The following HHAT variants were observed in gnomAD, a reference collection of about 807,000 sequenced individuals.
HHAT encodes the protein protein-cysteine N-palmitoyltransferase HHAT.
A neutral mutation model predicts 70.8 loss-of-function variants in HHAT; 47 were observed. The ratio of observed to expected loss-of-function variants is 0.66; its 90% CI spans 0.53 to 0.85. HHAT has a LOEUF of 0.85. HHAT is among the 40% of genes least tolerant of loss of function. The pLI is 0.00. For missense variants in HHAT, 609 were observed against 604.8 expected (o/e 1.01, Z -0.07); for synonymous variants, 228 against 247.6 (o/e 0.92, Z 0.74).
At chr1:210,563,808 TTTCTC>T (rs1392774768) in intron 9 of HHAT, among the ~76,000 whole-genome samples, 2 of 152,226 alleles carry the variant, frequency 1.3e-5, no homozygotes, top group African/African-American at 4.8e-5. Flanking sequence ...CTTCAGCTCT[TTTCTC>T]TTCCTCCTTG....
chr1:210,538,465 T>C (rs556531644), intron 9 of HHAT, among the ~76,000 whole-genome samples: 8 of 152,172 alleles, frequency 5.3e-5, no homozygotes, highest in Non-Finnish European at 1.0e-4. Context: ...AAGCCTTAAA[T>C]AGAGGATAAG....
chr1:210,617,110 G>A (rs1378286877), intron 10 of HHAT, among the ~76,000 whole-genome samples: 2 of 152,244 alleles, frequency 1.3e-5, no homozygotes, highest in Non-Finnish European at 2.9e-5. Flanking sequence ...CAAAGCTGTT[G>A]CTCTCCTGAG....
At chr1:210,374,201 T>C (rs951389108) in intron 3 of HHAT, 2 of 152,364 alleles carry the variant, frequency 1.3e-5, no homozygotes, top group East Asian at 1.9e-4. Flanking sequence ...ATAACTGATT[T>C]GTTTCTCTCC....
intron 8 of HHAT, among the ~76,000 whole-genome samples, chr1:210,495,840 T>A (rs901826286): frequency 6.6e-6 from 1 of 151,846 alleles, no homozygotes; most frequent in African/African-American, 2.4e-5. Flanking sequence ...AAACTCCATC[T>A]CTGCTAAAAA....
intron 11 of HHAT, among the ~76,000 whole-genome samples, chr1:210,642,093 T>C (rs1029375766): frequency 3.3e-5 from 5 of 152,242 alleles, no homozygotes; most frequent in Non-Finnish European, 7.3e-5. Flanking sequence ...CCTATGATTT[T>C]AGTTGCATGC....
In HHAT at chr1:210,587,943, G is replaced by A. The variant is rs138231110; in HGVS notation, c.1089G>A (p.Gly363=). 15 of 1,614,140 alleles carry A rather than the reference G, an allele frequency of 9.3e-6. No homozygotes were observed. In the East Asian group the frequency reaches 3.1e-4, roughly 34 times the overall value. ...PVGGSQHGLL[G]TLFSTAMTFA... ...GCGGGTCCCAGCATGGCCTGCTGGG[G>A]ACACTGTTTTCCACGGCGATGACAT... Residue 363 remains glycine, a synonymous_variant, in exon 10 of 12, where the codon GGG becomes GGA. Transcript: ENST00000261458.
At position 210,341,444 on chromosome 1, in the gene HHAT, C is replaced by T. The variant is rs76565694; in HGVS notation, c.-43-7489C>T. 2.7e-3 allele frequency among the ~76,000 whole-genome samples: 416 copies of T among 152,288 alleles called. 1 individual carries two copies. Among genetic ancestry groups the T allele is most frequent in the African/African-American group, 9.4e-3 (390 of 41,560 alleles). On this transcript the variant is annotated intron_variant, in intron 1 of 11. Coordinates refer to ENST00000261458, the MANE Select transcript of HHAT (RefSeq NM_018194.6). Reference sequence around the variant, plus strand: ...TGTTTATGTATGTTTCAGGCTTTGGCAAGGTGTGCTGTACTTTTCTTCCAA... The same window carrying T: ...TGTTTATGTATGTTTCAGGCTTTGGTAAGGTGTGCTGTACTTTTCTTCCAA...
chr1:210,624,011 T>G (rs1669379274), intron 11 of HHAT, among the ~76,000 whole-genome samples: 1 of 152,206 alleles, frequency 6.6e-6, no homozygotes, highest in Admixed American at 6.5e-5. Flanking sequence ...AATATTCCCT[T>G]CAAAACTCAT....
chr1:210,485,119 C>T (rs1168145144), intron 8 of HHAT, among the ~76,000 whole-genome samples: 2 of 152,128 alleles, frequency 1.3e-5, no homozygotes, highest in African/African-American at 2.4e-5. Context: ...AGAGAGAAGA[C>T]AGTACATGAG....
At chr1:210,473,178 A>T (rs2094237325) in intron 8 of HHAT, among the ~76,000 whole-genome samples, 1 of 152,188 alleles carries the variant, frequency 6.6e-6, no homozygotes, top group Non-Finnish European at 1.5e-5. Context: ...TTTTAGGGTA[A>T]AATACTTTAA....
intron 5 of HHAT, 118 bp from the exon 6 acceptor site, chr1:210,404,344 CTT>C: frequency 1.4e-6 from 1 of 719,008 alleles, no homozygotes; most frequent in Non-Finnish European, 2.4e-6. Flanking sequence ...AAGAAATTGC[CTT>C]CCCAGAGCCC....
At chr1:210,672,609 T>A (rs534243568) in intron 11 of HHAT, among the ~76,000 whole-genome samples, 9 of 152,226 alleles carry the variant, frequency 5.9e-5, no homozygotes, top group Non-Finnish European at 1.2e-4. Context: ...TGGGACTGTG[T>A]CTTTCCCTTT....
In HHAT at chr1:210,404,409, T is replaced by C. The variant is rs1572190805; in HGVS notation, c.469-55T>C. On this transcript the variant is annotated intron_variant, in intron 5 of 11. Transcript: ENST00000261458. ...TGCTGGCCAGCACCTGCAGTGGGAC[T>C]GGACGATGTCCCTGCTGGCCACTCA... The C allele has an allele frequency of 4.3e-6, 6 of 1,399,078 alleles. No homozygotes were observed. The East Asian group carries it at 1.4e-4, about 32-fold the overall frequency. The allele number at this position is 1,399,078 out of a possible 1,614,324, so 86.7% of individuals were successfully genotyped here.
intron 8 of HHAT, among the ~76,000 whole-genome samples, chr1:210,506,396 G>T (rs2094855112): frequency 6.6e-6 from 1 of 152,166 alleles, no homozygotes. Context: ...ATCCATTCCA[G>T]TTTTTTTATC....
At chr1:210,346,949 T>A (rs2086575322) in intron 1 of HHAT, among the ~76,000 whole-genome samples, 1 of 152,262 alleles carries the variant, frequency 6.6e-6, no homozygotes, top group East Asian at 1.9e-4. Context: ...GTGTACAATG[T>A]GATGTCTAGC....
chr1:210,587,929 C>T lies in HHAT; in HGVS notation c.1075C>T (p.His359Tyr), dbSNP rs1390109673. Reference protein sequence around the residue: ...YVYIPVGGSQHGLLGTLFSTA... With the variant: ...YVYIPVGGSQYGLLGTLFSTA... Reference sequence around the variant, plus strand: ...GTACATTCCAGTGGGCGGGTCCCAGCATGGCCTGCTGGGGACACTGTTTTC... The same window carrying T: ...GTACATTCCAGTGGGCGGGTCCCAGTATGGCCTGCTGGGGACACTGTTTTC... Residue 359 changes from histidine to tyrosine, a missense_variant, in exon 10 of 12, where the codon CAT becomes TAT. His to Tyr is a moderately conservative substitution (Grantham distance 83). Coordinates refer to ENST00000261458, the MANE Select transcript of HHAT (RefSeq NM_018194.6). 1 of 1,614,100 alleles carries T rather than the reference C, an allele frequency of 6.2e-7. No individual in the cohort carries two copies. The highest frequency in any genetic ancestry group is 8.5e-7 in the Non-Finnish European group (1 of 1,180,010).
At chr1:210,499,668 G>A (rs2094717623) in intron 8 of HHAT, among the ~76,000 whole-genome samples, 1 of 151,936 alleles carries the variant, frequency 6.6e-6, no homozygotes, top group African/African-American at 2.4e-5. Context: ...ATTATGGAAG[G>A]GAAAATAGCC....
intron 5 of HHAT, among the ~76,000 whole-genome samples, chr1:210,404,014 C>T (rs2092211431): frequency 6.7e-6 from 1 of 149,458 alleles, no homozygotes; most frequent in Non-Finnish European, 1.5e-5. Flanking sequence ...AAACTGATAA[C>T]AAAAGAGGAA....
Position 210,404,470 on chromosome 1 carries a change from TGG to T in HHAT, c.476_477del (p.Trp159LeufsTer76). 6.2e-7 allele frequency: 1 copy of T among 1,610,948 alleles called. No individual in the cohort carries two copies. Among genetic ancestry groups the T allele is most frequent in the South Asian group, 1.1e-5 (1 of 90,958 alleles). The stretch of plus-strand genomic sequence containing the variant: ...TCTCCTTTTGATTTTGTAGAGAAGG[TGG>T]TACAAGACAGAAAACGAGTACTACC... ...LQGVEEVKRR[W>X]YKTENEYYLL... On this transcript the variant is annotated frameshift_variant, in exon 6 of 12. Transcript: ENST00000261458. LOFTEE classifies it high-confidence loss of function.
Sources: allele counts gnomAD v4.1 joint callset (sites outside exome capture counted in the v4.1 genomes callset), GRCh38; gene constraint gnomAD v4.1.1; transcripts MANE v1.5; gene names NCBI Gene and HGNC (gene_info 2026-07-23, HGNC 2026-07-21).